EPHA6: variants seen among roughly 807,000 people sequenced by gnomAD.
EPHA6 encodes the protein ephrin type-A receptor 6.
EPHA6 carries 50 observed loss-of-function variants against 112.0 expected under a neutral mutation model. The ratio of observed to expected loss-of-function variants is 0.45; its 90% CI spans 0.36 to 0.56. EPHA6 has a LOEUF of 0.56. EPHA6 is among the 20% of genes least tolerant of loss of function. EPHA6 has a pLI of 0.00. For missense variants in EPHA6, 1,280 were observed against 1,417.4 expected, an observed-to-expected ratio of 0.90 and a Z score of 1.56; for synonymous variants, 529 against 490.7, an observed-to-expected ratio of 1.08 and a Z score of -1.03.
intron 3 of EPHA6, among the ~76,000 whole-genome samples, chr3:97,141,396 A>G (rs549991706): frequency 6.6e-6 from 1 of 152,100 alleles, no homozygotes; most frequent in East Asian, 1.9e-4. Context: ...TCACCTGTGC[A>G]TGGAAGATTC....
At chr3:97,705,374 C>G (rs2033620599) in intron 14 of EPHA6, among the ~76,000 whole-genome samples, 2 of 152,082 alleles carry the variant, frequency 1.3e-5, no homozygotes, top group Admixed American at 1.3e-4. Flanking sequence ...TGACTCTCCA[C>G]TATCATGGCG....
At chr3:97,401,135 T>C (rs1249142353) in intron 5 of EPHA6, among the ~76,000 whole-genome samples, 1 of 151,834 alleles carries the variant, frequency 6.6e-6, no homozygotes, top group Non-Finnish European at 1.5e-5. Flanking sequence ...GAAGAGATGT[T>C]GATTTTTATC....
At chr3:97,215,362 G>A (rs1340757660) in intron 3 of EPHA6, among the ~76,000 whole-genome samples, 1 of 152,118 alleles carries the variant, frequency 6.6e-6, no homozygotes, top group Non-Finnish European at 1.5e-5. Context: ...ACAGGCTTCA[G>A]CTGTGTTTCA....
intron 1 of EPHA6, among the ~76,000 whole-genome samples, chr3:96,832,264 T>C (rs2034131895): frequency 6.6e-6 from 1 of 152,080 alleles, no homozygotes; most frequent in Non-Finnish European, 1.5e-5. Context: ...TAAGAGTCTA[T>C]AGAGTTTAAC....
chr3:96,994,732 T>TAGAGAGAGAGAG lies in EPHA6; in HGVS notation c.1114+6758_1114+6769dup, dbSNP rs71623564. Among the ~76,000 whole-genome samples the TAGAGAGAGAGAG allele has an allele frequency of 2.7e-3, 221 of 82,184 alleles. 2 individuals are homozygous for TAGAGAGAGAGAG. The highest frequency in any genetic ancestry group is 3.5e-3 in the Non-Finnish European group (163 of 46,478). The allele number at this position is 82,184 out of a possible 152,430, so 53.9% of individuals were successfully genotyped here. A position where few individuals can be genotyped will look rare whatever the true frequency, so the allele number is the denominator to read the frequency against. On this transcript the variant is annotated intron_variant, in intron 3 of 17. Transcript: ENST00000389672. ...GTGTATATATATATATATATATATATAGAGAGAGAGAGAGAGAGAGAGAGA... is the reference window on the plus strand; with the variant it reads ...GTGTATATATATATATATATATATATAGAGAGAGAGAGAGAGAGAGAGAGAGAGAGAGAGAGA...
In EPHA6 at chr3:97,153,951, A is replaced by T. The variant is rs182658941; in HGVS notation, c.1115-72313A>T. 4.6e-3 allele frequency among the ~76,000 whole-genome samples: 707 copies of T among 152,242 alleles called. 6 individuals carry two copies. The highest frequency in any genetic ancestry group is 0.015 in the African/African-American group (632 of 41,550). ...GAGGCTGAGGCAGGAGGATCACCTG[A>T]TGTCAGGAGTTCGAAACCAGCCTGC... On this transcript the variant is annotated intron_variant, in intron 3 of 17. Transcript: ENST00000389672.
intron 5 of EPHA6, among the ~76,000 whole-genome samples, chr3:97,385,142 T>A (rs1011915045): frequency 2.0e-5 from 3 of 152,200 alleles, no homozygotes; most frequent in Non-Finnish European, 2.9e-5. Flanking sequence ...ACAAAATCTA[T>A]AATTTATTCT....
At chr3:97,446,377 T>C (rs1353247934) in intron 6 of EPHA6, among the ~76,000 whole-genome samples, 5 of 152,162 alleles carry the variant, frequency 3.3e-5, no homozygotes, top group Non-Finnish European at 7.3e-5. Flanking sequence ...TACACTTTTG[T>C]AGGTAACAAC....
intron 3 of EPHA6, among the ~76,000 whole-genome samples, chr3:97,162,282 A>G (rs2108402333): frequency 6.6e-6 from 1 of 152,294 alleles, no homozygotes; most frequent in East Asian, 1.9e-4. Context: ...TCCTAGGTAG[A>G]GACAATTCTA....
At chr3:97,054,392 T>C (rs2045786007) in intron 3 of EPHA6, among the ~76,000 whole-genome samples, 1 of 152,250 alleles carries the variant, frequency 6.6e-6, no homozygotes, top group Non-Finnish European at 1.5e-5. Flanking sequence ...ATGAGACTAC[T>C]GAAAATGAAT....
intron 7 of EPHA6, among the ~76,000 whole-genome samples, chr3:97,472,335 AC>A (rs2091252646): frequency 6.6e-6 from 1 of 151,674 alleles, no homozygotes; most frequent in Non-Finnish European, 1.5e-5. Flanking sequence ...CTGGGGACCT[AC>A]CCAAATCTAA....
At chr3:97,514,906 C>T (rs1456216431) in intron 10 of EPHA6, among the ~76,000 whole-genome samples, 1 of 152,134 alleles carries the variant, frequency 6.6e-6, no homozygotes, top group Admixed American at 6.5e-5. Context: ...ATCATCGGAA[C>T]CTTGAGAAAA....
intron 3 of EPHA6, among the ~76,000 whole-genome samples, chr3:97,074,615 C>T (rs984757425): frequency 6.6e-6 from 1 of 151,754 alleles, no homozygotes. Context: ...CCAATAGAAA[C>T]GTTTTAATTT....
chr3:97,267,377 C>T (rs958576976), intron 5 of EPHA6, among the ~76,000 whole-genome samples: 1 of 151,890 alleles, frequency 6.6e-6, no homozygotes, highest in Non-Finnish European at 1.5e-5. Context: ...TTAATATCTG[C>T]TTTCATAATG....
intron 14 of EPHA6, among the ~76,000 whole-genome samples, chr3:97,651,576 C>T (rs534532182): frequency 6.6e-6 from 1 of 152,160 alleles, no homozygotes; most frequent in South Asian, 2.1e-4. Flanking sequence ...TCACAGTTCT[C>T]AAGATATTTT....
intron 3 of EPHA6, among the ~76,000 whole-genome samples, chr3:97,025,763 A>T (rs2213257): frequency 0.061 from 9,311 of 151,846 alleles, 310 homozygotes; most frequent in Middle Eastern, 0.11. Flanking sequence ...TAATCTTTGT[A>T]TTTTTAGTAG....
chr3:97,663,315 CT>C (rs970441486), intron 14 of EPHA6, among the ~76,000 whole-genome samples: 11 of 149,910 alleles, frequency 7.3e-5, no homozygotes, highest in East Asian at 5.9e-4. Context: ...TTTGTGGAGC[CT>C]TTTTTTTTCT....
At chr3:97,337,339 C>A (rs966930817) in intron 5 of EPHA6, among the ~76,000 whole-genome samples, 5 of 152,070 alleles carry the variant, frequency 3.3e-5, no homozygotes, top group African/African-American at 9.7e-5. Flanking sequence ...CTTAAAAATT[C>A]TTTTCATTAG....
intron 11 of EPHA6, among the ~76,000 whole-genome samples, chr3:97,584,485 C>G (rs2093469756): frequency 6.6e-6 from 1 of 152,320 alleles, no homozygotes; most frequent in Non-Finnish European, 1.5e-5. Flanking sequence ...GCTTTGTCAT[C>G]AACTGGATAT....
Sources: gnomAD v4.1 joint callset for allele counts (sites outside exome capture counted in the v4.1 genomes callset) on GRCh38, gnomAD v4.1.1 for gene constraint, MANE v1.5 for transcripts, NCBI Gene and HGNC (gene_info 2026-07-23, HGNC 2026-07-21) for gene names.